HSD17B4: variants seen among roughly 807,000 people sequenced by gnomAD.
The protein encoded by HSD17B4 is peroxisomal multifunctional enzyme type 2.
HSD17B4 carries 70 observed loss-of-function variants against 101.0 expected under a neutral mutation model. The ratio of observed to expected loss-of-function variants is 0.69; its 90% CI spans 0.57 to 0.85. The LOEUF is 0.85. HSD17B4 is among the 40% of genes least tolerant of loss of function. The pLI, the probability that HSD17B4 is intolerant of heterozygous loss-of-function variation, is 0.00. For missense variants in HSD17B4, 984 were observed against 892.4 expected (o/e 1.10, Z -1.31); for synonymous variants, 347 against 297.1 (o/e 1.17, Z -1.73).
chr5:119,514,668 G>T (rs1278455465), intron 16 of HSD17B4, among the ~76,000 whole-genome samples: 1 of 152,148 alleles, frequency 6.6e-6, no homozygotes, highest in Non-Finnish European at 1.5e-5. Flanking sequence ...TCTAATTCTT[G>T]TAGTTGTTTT....
intron 2 of HSD17B4, among the ~76,000 whole-genome samples, chr5:119,463,520 TTA>T (rs1391129547): frequency 6.8e-6 from 1 of 146,030 alleles, no homozygotes; most frequent in African/African-American, 2.6e-5. Flanking sequence ...TCATCCTTTG[TTA>T]TTTTTTTTTT....
At chr5:119,452,702 A>C in intron 1 of HSD17B4, 69 bp downstream of exon 1, 1 of 1,608,454 alleles carries the variant, frequency 6.2e-7, no homozygotes, top group Non-Finnish European at 8.5e-7. Flanking sequence ...TCGGGCCGGC[A>C]TACGCGCGCA....
chr5:119,452,642 G>T lies in HSD17B4; in HGVS notation c.58+9G>T. The stretch of plus-strand genomic sequence containing the variant: ...CACCGGCGCGGGGGCAGGTGAGCAT[G>T]CGAAGGTTGGAGGCCGCGCCCCTTG... On this transcript the variant is annotated intron_variant, in intron 1 of 23. Coordinates refer to ENST00000510025, the MANE Select transcript of HSD17B4 (RefSeq NM_000414.4). 6.2e-7 allele frequency: 1 copy of T among 1,613,758 alleles called. No homozygotes were observed. The highest frequency in any genetic ancestry group is 8.5e-7 in the Non-Finnish European group (1 of 1,179,972).
At chr5:119,539,282 T>C (rs991079891) in intron 23 of HSD17B4, among the ~76,000 whole-genome samples, 6 of 152,090 alleles carry the variant, frequency 3.9e-5, no homozygotes, top group African/African-American at 1.4e-4. Context: ...TCATGTCCTT[T>C]GTAGGGACAT....
At chr5:119,494,325 TTTTC>T (rs66578057) in intron 11 of HSD17B4, among the ~76,000 whole-genome samples, 18,478 of 111,030 alleles carry the variant, frequency 0.17, 1,484 homozygotes, top group African/African-American at 0.18. Flanking sequence ...TCTTTCTTTC[TTTTC>T]TTTCTTTCTT....
At chr5:119,461,923 A>G (rs3951345) in intron 2 of HSD17B4, among the ~76,000 whole-genome samples, 5 of 152,184 alleles carry the variant, frequency 3.3e-5, no homozygotes, top group Non-Finnish European at 5.9e-5. Flanking sequence ...GTACATTCCC[A>G]ATATAGCACG....
rs1748841747 is a variant in HSD17B4 at position 119,478,814 on chromosome 5, G to A, written c.435-20G>A. 1 of 1,595,600 alleles carries A rather than the reference G, an allele frequency of 6.3e-7. No homozygotes were observed. Among genetic ancestry groups the A allele is most frequent in the Non-Finnish European group, 8.6e-7 (1 of 1,164,482 alleles). On this transcript the variant is annotated intron_variant, in intron 7 of 23. Transcript: ENST00000510025. ...CAAATTATGGAAAAGATGATATTGA[G>A]AGATTGATTTTCTTTTTAGGATTAT...
In HSD17B4 at chr5:119,499,215, C is replaced by T. The variant is rs1022099649; in HGVS notation, c.973-102C>T. On this transcript the variant is annotated intron_variant, in intron 12 of 23. Coordinates refer to ENST00000510025, the MANE Select transcript of HSD17B4 (RefSeq NM_000414.4). The stretch of plus-strand genomic sequence containing the variant: ...AATTATGCTCCATCAAATTCACTAA[C>T]ATTCTAGTCACATCTATTCAAAAAC... 42 of 751,938 alleles carry T rather than the reference C, an allele frequency of 5.6e-5. No individual in the cohort carries two copies. In the African/African-American group the frequency reaches 7.0e-4, roughly 13 times the overall value. The allele number at this position is 751,938 out of a possible 1,614,324, so 46.6% of individuals were successfully genotyped here.
intron 14 of HSD17B4, among the ~76,000 whole-genome samples, chr5:119,506,256 A>G (rs912330751): frequency 6.6e-6 from 1 of 152,138 alleles, no homozygotes; most frequent in Non-Finnish European, 1.5e-5. Flanking sequence ...TATGAGTGAG[A>G]ACGTGCGTTG....
At chr5:119,474,963 C>T (rs1748433948) in intron 4 of HSD17B4, among the ~76,000 whole-genome samples, 2 of 152,142 alleles carry the variant, frequency 1.3e-5, no homozygotes, top group East Asian at 1.9e-4. Context: ...TAGTCCCACA[C>T]ACTCTTAATA....
chr5:119,469,130 C>G (rs1033238885), intron 2 of HSD17B4, among the ~76,000 whole-genome samples: 13 of 151,214 alleles, frequency 8.6e-5, no homozygotes, highest in African/African-American at 3.2e-4. Flanking sequence ...AATTGTTTTT[C>G]TGATTTTCTT....
chr5:119,482,774 G>C (rs1404446852), intron 8 of HSD17B4, among the ~76,000 whole-genome samples: 1 of 151,996 alleles, frequency 6.6e-6, no homozygotes, highest in Non-Finnish European at 1.5e-5. Context: ...TATTATACTG[G>C]AGCCCTGTTG....
At chr5:119,527,858 C>CTTG (rs1441331153) in intron 20 of HSD17B4, among the ~76,000 whole-genome samples, 1 of 152,084 alleles carries the variant, frequency 6.6e-6, no homozygotes, top group East Asian at 1.9e-4. Flanking sequence ...ATCACAGAGT[C>CTTG]TGGGCCTAAC....
intron 14 of HSD17B4, among the ~76,000 whole-genome samples, chr5:119,503,023 A>G (rs938804516): frequency 3.2e-4 from 49 of 151,556 alleles, no homozygotes; most frequent in African/African-American, 1.2e-3. Context: ...TTATTACATT[A>G]TATTATCTGT....
chr5:119,457,420 C>A (rs919180193), intron 2 of HSD17B4, among the ~76,000 whole-genome samples: 3 of 152,328 alleles, frequency 2.0e-5, no homozygotes, highest in Admixed American at 2.0e-4. Flanking sequence ...GCACTTGATA[C>A]ACTTTTCTCC....
intron 18 of HSD17B4, 179 bp from the exon 19 acceptor site, chr5:119,525,738 A>G (rs1460222987): frequency 2.4e-6 from 1 of 414,442 alleles, no homozygotes; most frequent in Non-Finnish European, 4.2e-6. Context: ...TTCTTTCTTT[A>G]TTTCATAATT....
chr5:119,521,250 A>C (rs528805518), intron 17 of HSD17B4, among the ~76,000 whole-genome samples: 1 of 152,336 alleles, frequency 6.6e-6, no homozygotes, highest in African/African-American at 2.4e-5. Flanking sequence ...GAAAAGTCTG[A>C]TGCCAATCTA....
chr5:119,510,647 G>T (rs1157785648), intron 16 of HSD17B4, among the ~76,000 whole-genome samples: 2 of 152,292 alleles, frequency 1.3e-5, no homozygotes, highest in African/African-American at 4.8e-5. Flanking sequence ...TGTTCTAAGG[G>T]TATAGAGCAA....
intron 8 of HSD17B4, among the ~76,000 whole-genome samples, chr5:119,485,491 T>A (rs1311242884): frequency 6.6e-6 from 1 of 152,216 alleles, no homozygotes; most frequent in African/African-American, 2.4e-5. Flanking sequence ...TTTCCTTTAA[T>A]TTTGGGACTA....
Sources: gnomAD v4.1 joint callset for allele counts (sites outside exome capture counted in the v4.1 genomes callset) on GRCh38, gnomAD v4.1.1 for gene constraint, MANE v1.5 for transcripts, NCBI Gene and HGNC (gene_info 2026-07-23, HGNC 2026-07-21) for gene names.